GPCPD1: variants seen among roughly 807,000 people sequenced by gnomAD.
GPCPD1 encodes the protein glycerophosphocholine phosphodiesterase GPCPD1.
GPCPD1 carries 29 observed loss-of-function variants against 89.2 expected under a neutral mutation model. The ratio of observed to expected loss-of-function variants is 0.33; its 90% CI spans 0.24 to 0.44. GPCPD1 has a LOEUF of 0.44. Among genes scored for constraint, GPCPD1 ranks in the 20% least tolerant of loss-of-function variants. The pLI, the probability that GPCPD1 is intolerant of heterozygous loss-of-function variation, is 1.00. For missense variants in GPCPD1, 594 were observed against 808.9 expected (o/e 0.73, Z 3.22); for synonymous variants, 258 against 266.3 (o/e 0.97, Z 0.30).
Position 5,560,047 on chromosome 20 carries a change from T to G in GPCPD1, c.1425A>C (p.Thr475=), listed in dbSNP as rs548219179. The change falls in exon 17 of 20, where the codon ACA becomes ACC. Residue 475 remains threonine (T), a synonymous_variant. Transcript: ENST00000379019. ...RDGMWDGNLS[T]YFDMNLFLDI... is the part of the protein sequence containing the mutation. ...CCAAAAACAGATTCATGTCAAAATA[T>G]GTTGATAAGTTACCATCCCACATTC... 2.1e-5 allele frequency: 34 copies of G among 1,581,406 alleles called. No individual in the cohort carries two copies. The highest frequency in any genetic ancestry group is 2.9e-5 in the Non-Finnish European group (34 of 1,163,744).
Position 5,582,840 on chromosome 20 carries a change from G to C in GPCPD1, c.349+1441C>G, listed in dbSNP as rs997297682. Among the ~76,000 whole-genome samples the C allele has an allele frequency of 4.0e-5, 6 of 151,464 alleles. 1 individual carries two copies. The South Asian group carries it at 1.2e-3, about 32-fold the overall frequency. The stretch of plus-strand genomic sequence containing the variant: ...GCAGGTGGAGGCTGCAGCAAGCGGA[G>C]ATTGCGCCACTGCATTCCAGCCTGG... On this transcript the variant is annotated intron_variant, in intron 6 of 19. Transcript: ENST00000379019.
At chr20:5,575,364 C>T (rs770590550) in intron 10 of GPCPD1, 49 bp downstream of exon 10, 20 of 1,372,814 alleles carry the variant, frequency 1.5e-5, no homozygotes, top group East Asian at 2.3e-5. Context: ...GTAACTCTAC[C>T]GAACATAAGC....
At chr20:5,610,239 G>A (rs145198958) in intron 1 of GPCPD1, among the ~76,000 whole-genome samples, 1 of 152,190 alleles carries the variant, frequency 6.6e-6, no homozygotes, top group Non-Finnish European at 1.5e-5. Flanking sequence ...GAGAGAAGGG[G>A]CAGCAGACCT....
In GPCPD1 at chr20:5,575,509, C is replaced by A. The variant is rs768689765; in HGVS notation, c.905G>T (p.Ser302Ile). ...GGAAAATGAAGATTTCATGTCACAA[C>A]TGTATCCTGGTAATGGCTTAATAAT... ...YIIIKPLPGY[S>I]CDMKSSFSKY... Residue 302 changes from serine to isoleucine, a missense_variant, in exon 10 of 20, where the codon AGT becomes ATT. Transcript: ENST00000379019. 2 of 1,587,296 alleles carry A rather than the reference C, an allele frequency of 1.3e-6. No individual in the cohort carries two copies. The highest frequency in any genetic ancestry group is 8.7e-7 in the Non-Finnish European group (1 of 1,155,824).
intron 11 of GPCPD1, among the ~76,000 whole-genome samples, chr20:5,571,804 G>T (rs1392239447): frequency 6.6e-6 from 1 of 152,060 alleles, no homozygotes; most frequent in Non-Finnish European, 1.5e-5. Context: ...AGCTACTCGG[G>T]AGGCTGAAAC....
intron 6 of GPCPD1, among the ~76,000 whole-genome samples, chr20:5,583,225 C>CAAAA (rs35153907): frequency 3.1e-5 from 2 of 64,274 alleles, no homozygotes; most frequent in Non-Finnish European, 5.5e-5. Context: ...AACTCCATCT[C>CAAAA]AAAAAAAAAA....
chr20:5,584,931 T>C (rs1218535201), intron 5 of GPCPD1: 1 of 152,442 alleles, frequency 6.6e-6, no homozygotes, highest in African/African-American at 2.4e-5. Flanking sequence ...TAAAATACAA[T>C]TTATCTTCCT....
chr20:5,546,152 A>C lies in GPCPD1; in HGVS notation c.*1509T>G, dbSNP rs1233613175. 3.3e-5 allele frequency: 5 copies of C among 152,202 alleles called. No individual in the cohort carries two copies. Among genetic ancestry groups the C allele is most frequent in the Non-Finnish European group, 7.3e-5 (5 of 68,028 alleles). The allele number at this position is 152,202 out of a possible 1,614,324, so 9.4% of individuals were successfully genotyped here. On this transcript the variant is annotated 3_prime_UTR_variant, in exon 20 of 20. Coordinates refer to ENST00000379019, the MANE Select transcript of GPCPD1 (RefSeq NM_019593.5). ...CCTTGCAGAAGACTCCATTTCCTAA[A>C]CTATTTTGCATTAATATCAACGTTA...
At chr20:5,549,411 T>C in intron 19 of GPCPD1, 5 of 1,208,628 alleles carry the variant, frequency 4.1e-6, no homozygotes, top group Non-Finnish European at 6.0e-6. Flanking sequence ...AACATCGTGA[T>C]TGGTTATCAG....
intron 4 of GPCPD1, among the ~76,000 whole-genome samples, chr20:5,587,487 C>A (rs1020646367): frequency 6.6e-6 from 1 of 152,046 alleles, no homozygotes; most frequent in African/African-American, 2.4e-5. Context: ...CCTGCCTCGG[C>A]CTCCTGAGTA....
rs748046069 is a variant in GPCPD1, at chr20:5,598,817, T to C, written c.54A>G (p.Glu18=). 1.3e-6 allele frequency: 2 copies of C among 1,599,602 alleles called. No individual in the cohort carries two copies. Among genetic ancestry groups the C allele is most frequent in the Non-Finnish European group, 1.7e-6 (2 of 1,166,920 alleles). The change falls in exon 3 of 20, where the codon GAA becomes GAG. Residue 18 remains glutamate, a synonymous_variant. Transcript: ENST00000379019. ...FEIRGTLLPG[E]VFAICGSCDA... ...CACAGCTTCCACATATCGCAAAAAC[T>C]TCTCCTAAAGAAACAGAACAATCAG...
intron 6 of GPCPD1, among the ~76,000 whole-genome samples, chr20:5,582,886 C>T (rs977193668): frequency 6.8e-6 from 1 of 146,806 alleles, no homozygotes; most frequent in Non-Finnish European, 1.5e-5. Context: ...AAGACTCCAT[C>T]TCAAAAGAAA....
chr20:5,582,679 A>T lies in GPCPD1; in HGVS notation c.349+1602T>A, dbSNP rs139898911. On this transcript the variant is annotated intron_variant, in intron 6 of 19. Transcript: ENST00000379019. Reference sequence around the variant, plus strand: ...CAAGGCAGGCAGATCACTTGAGGTCAGGAGTTTGAGACCAGCCTGACCAAT... The same window carrying T: ...CAAGGCAGGCAGATCACTTGAGGTCTGGAGTTTGAGACCAGCCTGACCAAT... Among the ~76,000 whole-genome samples, 23 of 152,220 alleles carry T rather than the reference A, an allele frequency of 1.5e-4. 1 individual carries two copies. In the East Asian group the frequency reaches 3.7e-3, roughly 24 times the overall value.
intron 19 of GPCPD1, among the ~76,000 whole-genome samples, chr20:5,549,748 CAAA>C (rs397864689): frequency 0.23 from 22,300 of 95,330 alleles, 1,444 homozygotes; most frequent in East Asian, 0.28. Context: ...GAACCTGCCT[CAAA>C]AAAAAAAAAA....
In GPCPD1 at chr20:5,601,621, G is replaced by A. The variant is rs139049313; in HGVS notation, c.49+2743C>T. On this transcript the variant is annotated intron_variant, in intron 2 of 19. Transcript: ENST00000379019. Reference sequence around the variant, plus strand: ...TGACCTCAGATGATCCACCCACCTCGGCCTCCTAAAGTGCTGGGATTACAG... The same window carrying A: ...TGACCTCAGATGATCCACCCACCTCAGCCTCCTAAAGTGCTGGGATTACAG... Among the ~76,000 whole-genome samples the A allele has an allele frequency of 9.7e-3, 1,470 of 151,892 alleles. 28 individuals carry two copies. The highest frequency in any genetic ancestry group is 0.033 in the African/African-American group (1,380 of 41,398).
At chr20:5,572,182 G>C (rs1003461749) in intron 11 of GPCPD1, among the ~76,000 whole-genome samples, 25 of 152,106 alleles carry the variant, frequency 1.6e-4, no homozygotes, top group African/African-American at 5.8e-4. Context: ...TCCTGCCACT[G>C]CACTCCAGCC....
chr20:5,550,052 G>A (rs923740222), intron 19 of GPCPD1, among the ~76,000 whole-genome samples: 1 of 151,862 alleles, frequency 6.6e-6, no homozygotes, highest in Non-Finnish European at 1.5e-5. Context: ...AATTAGCCAG[G>A]CATGGTGGCG....
intron 19 of GPCPD1, 78 bp downstream of exon 19, chr20:5,557,867 T>C (rs1448229305): frequency 5.0e-6 from 4 of 793,896 alleles, no homozygotes; most frequent in Non-Finnish European, 7.8e-6. Context: ...CTTAACTAAG[T>C]TTAATTTTAT....
At chr20:5,574,035 G>A (rs550123697) in intron 10 of GPCPD1, 66 bp from the exon 11 acceptor site, 8 of 899,602 alleles carry the variant, frequency 8.9e-6, no homozygotes, top group East Asian at 4.8e-5. Context: ...TAATAAAGAA[G>A]CAAAGTGTAC....
Sources: allele counts gnomAD v4.1 joint callset (sites outside exome capture counted in the v4.1 genomes callset), GRCh38; gene constraint gnomAD v4.1.1; transcripts MANE v1.5; gene names NCBI Gene and HGNC (gene_info 2026-07-23, HGNC 2026-07-21).